Variants in KCTD8 observed in about 807,000 individuals in gnomAD.
The protein encoded by KCTD8 is potassium channel tetramerization domain containing 8.
KCTD8 carries 27 observed loss-of-function variants against 31.5 expected under a neutral mutation model. That is an observed-to-expected ratio of 0.86 (90% CI 0.63 to 1.18). The LOEUF is 1.18. Among genes scored for constraint, KCTD8 ranks in the 50% most tolerant of loss-of-function variants. The pLI, the probability that KCTD8 is intolerant of heterozygous loss-of-function variation, is 0.00. For missense variants in KCTD8, 658 were observed against 647.7 expected (o/e 1.02, Z -0.17); for synonymous variants, 290 against 280.0 (o/e 1.04, Z -0.36).
intron 1 of KCTD8, among the ~76,000 whole-genome samples, chr4:44,292,705 G>C (rs922610588): frequency 6.6e-6 from 1 of 151,966 alleles, no homozygotes; most frequent in Non-Finnish European, 1.5e-5. Context: ...ATTACAACTA[G>C]GTATGTTGAG....
At chr4:44,228,806 T>C (rs1715038498) in intron 1 of KCTD8, among the ~76,000 whole-genome samples, 1 of 152,222 alleles carries the variant, frequency 6.6e-6, no homozygotes, top group South Asian at 2.1e-4. Flanking sequence ...CTGTGCCTAG[T>C]GTAGTGACTT....
intron 1 of KCTD8, among the ~76,000 whole-genome samples, chr4:44,201,130 T>G (rs946766295): frequency 1.3e-5 from 2 of 152,034 alleles, no homozygotes; most frequent in Non-Finnish European, 2.9e-5. Flanking sequence ...CAAGGAGAAC[T>G]GCAAAATACT....
chr4:44,240,469 C>T (rs1715424689), intron 1 of KCTD8, among the ~76,000 whole-genome samples: 1 of 152,090 alleles, frequency 6.6e-6, no homozygotes, highest in Admixed American at 6.6e-5. Flanking sequence ...ACCCATGAAT[C>T]AGAATTGTTA....
chr4:44,425,918 A>G (rs1721334029), intron 1 of KCTD8, among the ~76,000 whole-genome samples: 1 of 151,868 alleles, frequency 6.6e-6, no homozygotes, highest in South Asian at 2.1e-4. Context: ...CATTGTCTGT[A>G]CCATACCATT....
chr4:44,383,175 A>G (rs1720119120), intron 1 of KCTD8, among the ~76,000 whole-genome samples: 1 of 152,028 alleles, frequency 6.6e-6, no homozygotes, highest in Non-Finnish European at 1.5e-5. Context: ...TGAAAAAGAC[A>G]CCAAAAATGA....
chr4:44,348,226 G>T (rs2109422966), intron 1 of KCTD8, among the ~76,000 whole-genome samples: 1 of 152,218 alleles, frequency 6.6e-6, no homozygotes, highest in Non-Finnish European at 1.5e-5. Flanking sequence ...AGTTAATTGG[G>T]CTAAATATTA....
rs575226395 is a variant in KCTD8 at position 44,367,100 on chromosome 4, G to A, written c.961+80463C>T. 7.9e-5 allele frequency among the ~76,000 whole-genome samples: 12 copies of A among 152,090 alleles called. No individual in the cohort carries two copies. In the South Asian group the frequency reaches 2.3e-3, roughly 29 times the overall value. The stretch of plus-strand genomic sequence containing the variant: ...CACTTGCTGGGCTCCCTCCTGCTAC[G>A]GGCTCTTCACGCAGGCTGTTCCTTC... On this transcript the variant is annotated intron_variant, in intron 1 of 1. Transcript: ENST00000360029.
At chr4:44,403,784 C>T (rs7664300) in intron 1 of KCTD8, among the ~76,000 whole-genome samples, 8,887 of 152,058 alleles carry the variant, frequency 0.058, 857 homozygotes, top group African/African-American at 0.2. Flanking sequence ...TTTGAGAGAA[C>T]ACAATTCAGC....
At chr4:44,293,238 G>GT (rs897105033) in intron 1 of KCTD8, among the ~76,000 whole-genome samples, 5 of 152,154 alleles carry the variant, frequency 3.3e-5, no homozygotes, top group African/African-American at 4.8e-5. Flanking sequence ...ATTTTAAGAG[G>GT]TTTTTTCTTC....
At chr4:44,183,721 A>G (rs896082051) in intron 1 of KCTD8, among the ~76,000 whole-genome samples, 3 of 152,290 alleles carry the variant, frequency 2.0e-5, no homozygotes, top group Non-Finnish European at 2.9e-5. Context: ...AGCATTTCCA[A>G]ACAAAGTCTA....
At chr4:44,288,469 A>G (rs1486092064) in intron 1 of KCTD8, among the ~76,000 whole-genome samples, 1 of 152,170 alleles carries the variant, frequency 6.6e-6, no homozygotes, top group Non-Finnish European at 1.5e-5. Flanking sequence ...TTGAGTAGTG[A>G]ATCTATTTAA....
chr4:44,377,564 C>A (rs1320446059), intron 1 of KCTD8, among the ~76,000 whole-genome samples: 1 of 152,126 alleles, frequency 6.6e-6, no homozygotes, highest in Non-Finnish European at 1.5e-5. Flanking sequence ...TTAACATATG[C>A]TTGGGGAAAA....
At chr4:44,264,095 G>C (rs573455221) in intron 1 of KCTD8, among the ~76,000 whole-genome samples, 1 of 152,242 alleles carries the variant, frequency 6.6e-6, no homozygotes, top group South Asian at 2.1e-4. Flanking sequence ...AATAATTACA[G>C]AGATTAGATT....
intron 1 of KCTD8, among the ~76,000 whole-genome samples, chr4:44,314,191 C>T (rs1193449830): frequency 6.6e-6 from 1 of 152,020 alleles, no homozygotes; most frequent in Non-Finnish European, 1.5e-5. Flanking sequence ...AGACTTCATT[C>T]ATAAGGAAAA....
chr4:44,428,853 T>G (rs548026237), intron 1 of KCTD8, among the ~76,000 whole-genome samples: 5 of 151,938 alleles, frequency 3.3e-5, no homozygotes, highest in South Asian at 2.1e-4. Context: ...TTAAAAATTT[T>G]GGGCTTAATT....
In KCTD8 at chr4:44,197,615, G is replaced by T. The variant is rs147004047; in HGVS notation, c.962-22365C>A. 6.3e-4 allele frequency among the ~76,000 whole-genome samples: 96 copies of T among 152,224 alleles called. 1 individual carries two copies. In the East Asian group the frequency reaches 0.017, roughly 28 times the overall value. ...AGGCAAAAATTAGGCCACAAATAAA[G>T]ATCCTGTACAGAGCCTTGGCCTTCT... On this transcript the variant is annotated intron_variant, in intron 1 of 1. Transcript: ENST00000360029.
intron 1 of KCTD8, among the ~76,000 whole-genome samples, chr4:44,361,994 T>C (rs1234687594): frequency 1.3e-5 from 2 of 152,116 alleles, no homozygotes; most frequent in East Asian, 3.8e-4. Flanking sequence ...TTAGGCTGTT[T>C]ACATTTAATC....
chr4:44,234,196 T>C (rs759157515), intron 1 of KCTD8, among the ~76,000 whole-genome samples: 7 of 152,158 alleles, frequency 4.6e-5, no homozygotes, highest in East Asian at 1.9e-4. Flanking sequence ...TGAGATACAA[T>C]GGAATCTATG....
chr4:44,206,346 A>T (rs1361790947), intron 1 of KCTD8, among the ~76,000 whole-genome samples: 3 of 152,190 alleles, frequency 2.0e-5, no homozygotes, highest in Non-Finnish European at 4.4e-5. Context: ...ATTTATGGCC[A>T]ACGTTTCCTA....
Sources: gnomAD v4.1 joint callset for allele counts (sites outside exome capture counted in the v4.1 genomes callset) on GRCh38, gnomAD v4.1.1 for gene constraint, MANE v1.5 for transcripts, NCBI Gene and HGNC (gene_info 2026-07-23, HGNC 2026-07-21) for gene names.